GRB10: variants seen among roughly 807,000 people sequenced by gnomAD.
GRB10 encodes the protein growth factor receptor-bound protein 10.
A neutral mutation model predicts 80.9 loss-of-function variants in GRB10; 20 were observed. The ratio of observed to expected loss-of-function variants is 0.25; its 90% CI spans 0.17 to 0.36. GRB10 has a LOEUF of 0.36. Among genes scored for constraint, GRB10 ranks in the 10% least tolerant of loss-of-function variants. The pLI is 1.00. For missense variants in GRB10, 548 were observed against 747.7 expected, an observed-to-expected ratio of 0.73 and a Z score of 3.12; for synonymous variants, 291 against 291.5, an observed-to-expected ratio of 1.00 and a Z score of 0.02.
intron 7 of GRB10, among the ~76,000 whole-genome samples, chr7:50,656,403 A>C (rs1420115777): frequency 1.3e-5 from 2 of 152,220 alleles, no homozygotes; most frequent in African/African-American, 4.8e-5. Flanking sequence ...TACATGCTGG[A>C]GATCTCTAAG....
chr7:50,710,628 G>C (rs994871741), intron 4 of GRB10, among the ~76,000 whole-genome samples: 1 of 152,096 alleles, frequency 6.6e-6, no homozygotes, highest in Non-Finnish European at 1.5e-5. Context: ...CAGTGCGGCG[G>C]GCACTGCAGG....
At chr7:50,750,863 G>A (rs2074003259) in intron 3 of GRB10, among the ~76,000 whole-genome samples, 2 of 152,122 alleles carry the variant, frequency 1.3e-5, no homozygotes, top group Admixed American at 6.5e-5. Context: ...ACTCACCACT[G>A]GTCAGAAGGA....
intron 7 of GRB10, among the ~76,000 whole-genome samples, chr7:50,644,316 A>C (rs1358343808): frequency 6.6e-6 from 1 of 152,018 alleles, no homozygotes; most frequent in Non-Finnish European, 1.5e-5. Flanking sequence ...GCTGACCATC[A>C]CAGGGTCCCC....
intron 5 of GRB10, among the ~76,000 whole-genome samples, chr7:50,703,127 G>GGTCAGATCCCAGCTTTTATTTTTATAA: frequency 6.6e-6 from 1 of 152,166 alleles, no homozygotes; most frequent in South Asian, 2.1e-4. Flanking sequence ...TTGACTTCAT[G>GGTCAGATCCCAGCTTTTATTTTTATAA]GTCAGATCCC....
intron 8 of GRB10, among the ~76,000 whole-genome samples, chr7:50,622,181 T>C (rs2051899035): frequency 1.3e-5 from 2 of 152,206 alleles, no homozygotes; most frequent in South Asian, 4.1e-4. Flanking sequence ...AGCCCTGACG[T>C]GTGGATAAGG....
intron 4 of GRB10, among the ~76,000 whole-genome samples, chr7:50,728,564 C>G (rs2069062692): frequency 6.6e-6 from 1 of 152,072 alleles, no homozygotes; most frequent in Non-Finnish European, 1.5e-5. Context: ...AGTCAGTGTC[C>G]CAGAAAAAAC....
chr7:50,627,909 C>T (rs558558561), intron 7 of GRB10, among the ~76,000 whole-genome samples: 11 of 152,312 alleles, frequency 7.2e-5, no homozygotes, highest in East Asian at 1.9e-4. Context: ...AGGCTGTCTC[C>T]GGGCAGCAGG....
rs986219683 is a variant in GRB10 at position 50,778,923 on chromosome 7, C to T, written c.-217+1704G>A. Among the ~76,000 whole-genome samples the T allele has an allele frequency of 5.3e-5, 8 of 152,148 alleles. No homozygotes were observed. In the South Asian group the frequency reaches 1.5e-3, roughly 28 times the overall value. On this transcript the variant is annotated intron_variant, in intron 2 of 18. Transcript: ENST00000401949. ...GGTTTCAAACCTTTCTAAAAGTGTT[C>T]TATCATCATAAACAAAAGAGAAACC...
intron 14 of GRB10, among the ~76,000 whole-genome samples, chr7:50,605,984 T>C (rs7780697): frequency 0.95 from 145,346 of 152,294 alleles, 69,687 homozygotes; most frequent in East Asian, 1. Context: ...TAGTCAACAG[T>C]TCCCATGGGT....
intron 18 of GRB10, among the ~76,000 whole-genome samples, chr7:50,594,313 T>C (rs2046269562): frequency 6.6e-6 from 1 of 152,164 alleles, no homozygotes; most frequent in South Asian, 2.1e-4. Context: ...GAAAAGACAG[T>C]GCGTGGCACA....
intron 5 of GRB10, among the ~76,000 whole-genome samples, chr7:50,700,118 G>A (rs1298060438): frequency 6.6e-6 from 1 of 151,906 alleles, no homozygotes; most frequent in Non-Finnish European, 1.5e-5. Flanking sequence ...CAGCCTGGAT[G>A]ACAGAGCGAG....
chr7:50,654,577 A>C (rs1372175253), intron 7 of GRB10, among the ~76,000 whole-genome samples: 1 of 152,228 alleles, frequency 6.6e-6, no homozygotes, highest in Non-Finnish European at 1.5e-5. Flanking sequence ...GATTCTAAGC[A>C]GGGGTTTTTC....
intron 3 of GRB10, among the ~76,000 whole-genome samples, chr7:50,733,267 G>A (rs1216609821): frequency 1.3e-5 from 2 of 152,164 alleles, no homozygotes; most frequent in Non-Finnish European, 1.5e-5. Flanking sequence ...CAAATCGGCC[G>A]ATACCTTTGA....
intron 3 of GRB10, among the ~76,000 whole-genome samples, chr7:50,744,103 A>G (rs1375772213): frequency 6.6e-6 from 1 of 152,084 alleles, no homozygotes; most frequent in Non-Finnish European, 1.5e-5. Flanking sequence ...TGTGCAGAGA[A>G]GAGGAACCCA....
At chr7:50,670,295 C>A (rs1360705402) in intron 6 of GRB10, among the ~76,000 whole-genome samples, 1 of 151,958 alleles carries the variant, frequency 6.6e-6, no homozygotes, top group Admixed American at 6.6e-5. Context: ...TGGGGAATCG[C>A]TGTTTATTGG....
At chr7:50,686,467 TTAAGA>T (rs1303528199) in intron 5 of GRB10, among the ~76,000 whole-genome samples, 1 of 152,196 alleles carries the variant, frequency 6.6e-6, no homozygotes, top group Non-Finnish European at 1.5e-5. Context: ...CTTACTATTT[TTAAGA>T]TAATTATTTT....
intron 5 of GRB10, among the ~76,000 whole-genome samples, chr7:50,684,267 C>CAAAAAAAAAAAAAAAAAAAA (rs386410128): frequency 1.6e-5 from 1 of 62,278 alleles, no homozygotes; most frequent in Non-Finnish European, 2.7e-5. Context: ...CAATCATCAC[C>CAAAAAAAAAAAAAAAAAAAA]AAAAAAAAAA....
At position 50,619,185 on chromosome 7, in the gene GRB10, G is replaced by T. The variant is rs770996841; in HGVS notation, c.762C>A (p.Phe254Leu). 6.2e-7 allele frequency: 1 copy of T among 1,602,380 alleles called. No individual in the cohort carries two copies. Among genetic ancestry groups the T allele is most frequent in the Non-Finnish European group, 8.6e-7 (1 of 1,169,266 alleles). ...TAAGACTCACCATGGGATTTTTAAA[G>T]AACTCGTATTTTGCGTAATTCTTCC... ...LFRKNYAKYE[F>L]FKNPMNFFPE... The change falls in exon 9 of 19, where the codon TTC (phenylalanine) becomes TTA (leucine). Residue 254 changes from phenylalanine (F) to leucine (L), a missense_variant. Transcript: ENST00000401949.
Position 50,674,487 on chromosome 7 carries a change from G to C in GRB10, c.311C>G (p.Ser104Cys). The change falls in exon 6 of 19, where the codon TCC (serine) becomes TGC (cysteine). Residue 104 changes from serine (S) to cysteine (C), a missense_variant. Physicochemically the swap from Ser to Cys is moderately radical, Grantham distance 112 (BLOSUM62 -1). Transcript: ENST00000401949. ...GPPRSIQPQV[S>C]PRQRVQRSQP... is the part of the protein sequence containing the mutation. ...GGAGCGCTGCACCCTCTGCCTCGGG[G>C]ACACCTGTGGCTGGATGGACCGAGG... The C allele has an allele frequency of 6.2e-7, 1 of 1,608,694 alleles. No individual in the cohort carries two copies.
Sources: allele counts gnomAD v4.1 joint callset (sites outside exome capture counted in the v4.1 genomes callset), GRCh38; gene constraint gnomAD v4.1.1; transcripts MANE v1.5; gene names NCBI Gene and HGNC (gene_info 2026-07-23, HGNC 2026-07-21).